Variants in PSD3 observed in about 807,000 individuals in gnomAD.
The protein encoded by PSD3 is pleckstrin and Sec7 domain containing 3, also known as PH and SEC7 domain-containing protein 3.
Under a neutral mutation model 105.5 loss-of-function variants are expected in PSD3, and 49 were observed. The observed-to-expected ratio is 0.46, with a 90% CI of 0.37 to 0.59. The LOEUF is 0.59. Among genes scored for constraint, PSD3 ranks in the 20% least tolerant of loss-of-function variants. PSD3 has a pLI of 0.00. For missense variants in PSD3, 1,561 were observed against 1,263.8 expected, an observed-to-expected ratio of 1.24 and a Z score of -3.57; for synonymous variants, 557 against 457.8, an observed-to-expected ratio of 1.22 and a Z score of -2.77.
At chr8:18,758,931 G>A (rs181034422) in intron 9 of PSD3, among the ~76,000 whole-genome samples, 100 of 152,182 alleles carry the variant, frequency 6.6e-4, no homozygotes, top group Non-Finnish European at 1.2e-3. Context: ...AAATGTATTT[G>A]AATGACAACT....
intron 1 of PSD3, among the ~76,000 whole-genome samples, chr8:18,959,122 C>T (rs931392819): frequency 2.0e-5 from 3 of 152,108 alleles, no homozygotes; most frequent in East Asian, 3.9e-4. Context: ...CATTTCACCA[C>T]GTTGGCCAGG....
intron 11 of PSD3, among the ~76,000 whole-genome samples, chr8:18,625,219 C>G (rs1462786754): frequency 6.8e-6 from 1 of 147,770 alleles, no homozygotes; most frequent in Admixed American, 6.8e-5. Context: ...CACACACACA[C>G]TTCTCAACAT....
intron 11 of PSD3, among the ~76,000 whole-genome samples, chr8:18,609,223 T>C (rs965100891): frequency 6.6e-6 from 1 of 152,204 alleles, no homozygotes; most frequent in Non-Finnish European, 1.5e-5. Context: ...TACACATTAA[T>C]GAGAAGTAAT....
At chr8:18,993,650 A>G (rs192406625) in intron 1 of PSD3, among the ~76,000 whole-genome samples, 4 of 150,824 alleles carry the variant, frequency 2.7e-5, no homozygotes, top group Non-Finnish European at 5.9e-5. Context: ...TTAGCTCTCA[A>G]TAACACTGAA....
chr8:18,662,443 T>C (rs1288923627), intron 9 of PSD3, among the ~76,000 whole-genome samples: 1 of 152,208 alleles, frequency 6.6e-6, no homozygotes, highest in East Asian at 1.9e-4. Context: ...TGTGAGACAC[T>C]TTCACACACA....
rs551503163 is a variant in PSD3, at chr8:18,658,410, C to A, written c.2173-2725G>T. On this transcript the variant is annotated intron_variant, in intron 9 of 15. Transcript: ENST00000327040. Reference sequence around the variant, plus strand: ...ATCTCTAACCTGGCAGTCATTACTTCCTTTCCCGTGTAGCCTAGACGTCAT... The same window carrying A: ...ATCTCTAACCTGGCAGTCATTACTTACTTTCCCGTGTAGCCTAGACGTCAT... Among the ~76,000 whole-genome samples the A allele has an allele frequency of 5.3e-5, 8 of 152,302 alleles. No individual in the cohort carries two copies. The South Asian group carries it at 1.7e-3, about 32-fold the overall frequency.
intron 1 of PSD3, among the ~76,000 whole-genome samples, chr8:19,080,295 G>A (rs1187996912): frequency 1.3e-5 from 2 of 152,174 alleles, no homozygotes; most frequent in Admixed American, 6.5e-5. Context: ...AGATTTCCTG[G>A]AGACAATGAG....
intron 15 of PSD3, among the ~76,000 whole-genome samples, chr8:18,552,972 C>A (rs1800863702): frequency 6.6e-6 from 1 of 151,932 alleles, no homozygotes; most frequent in African/African-American, 2.4e-5. Context: ...CCTGTATTTA[C>A]CAGAATTTCT....
chr8:18,970,324 C>CAAAAAAAAAAAAAAAAAAA (rs11450922), intron 1 of PSD3, among the ~76,000 whole-genome samples: 9 of 45,308 alleles, frequency 2.0e-4, no homozygotes, highest in Admixed American at 4.4e-4. Flanking sequence ...GACTCTGCCT[C>CAAAAAAAAAAAAAAAAAAA]AAAAAAAAAA....
At chr8:18,669,032 T>C (rs1799632698) in intron 9 of PSD3, among the ~76,000 whole-genome samples, 1 of 152,234 alleles carries the variant, frequency 6.6e-6, no homozygotes, top group South Asian at 2.1e-4. Flanking sequence ...ATTGATGGTT[T>C]ATAGTTCAAA....
intron 4 of PSD3, among the ~76,000 whole-genome samples, chr8:18,853,914 T>C (rs867492244): frequency 6.6e-6 from 1 of 152,182 alleles, no homozygotes. Context: ...ATACTCTTCA[T>C]TTGTCATCCT....
intron 9 of PSD3, among the ~76,000 whole-genome samples, chr8:18,694,822 GA>G (rs5889817): frequency 2.6e-5 from 4 of 150,970 alleles, no homozygotes; most frequent in East Asian, 3.9e-4. Context: ...TATCTCCACT[GA>G]AAAAAAAAAT....
chr8:18,566,914 G>C (rs575293907), intron 14 of PSD3, among the ~76,000 whole-genome samples: 7 of 152,280 alleles, frequency 4.6e-5, no homozygotes, highest in African/African-American at 1.4e-4. Context: ...CATGATAAAT[G>C]TGTGTGCTTG....
chr8:18,893,211 A>G (rs558818000), intron 2 of PSD3, among the ~76,000 whole-genome samples: 2 of 152,236 alleles, frequency 1.3e-5, no homozygotes, highest in Admixed American at 1.3e-4. Context: ...AATCAGAATC[A>G]CAGGGTGCGG....
At chr8:18,967,114 C>A (rs1343311119) in intron 1 of PSD3, among the ~76,000 whole-genome samples, 1 of 152,002 alleles carries the variant, frequency 6.6e-6, no homozygotes, top group African/African-American at 2.4e-5. Flanking sequence ...GGCTGTAAGA[C>A]CTATCAGCAT....
chr8:18,765,531 C>A lies in PSD3; in HGVS notation c.2090G>T (p.Gly697Val). Residue 697 changes from glycine (G) to valine (V), a missense_variant, in exon 9 of 16, where the codon GGA (glycine) becomes GTA (valine). Transcript: ENST00000327040. Reference protein sequence around the residue: ...LNTDLHGHNIGKKMTCQEFIA... With the variant: ...LNTDLHGHNIVKKMTCQEFIA... Reference sequence around the variant, plus strand: ...GAACTCCTGACAGGTCATCTTCTTTCCAATATTCTGAAACAGAGGCAAACA... The same window carrying A: ...GAACTCCTGACAGGTCATCTTCTTTACAATATTCTGAAACAGAGGCAAACA... 6.2e-7 allele frequency: 1 copy of A among 1,606,690 alleles called. No individual in the cohort carries two copies. The highest frequency in any genetic ancestry group is 8.5e-7 in the Non-Finnish European group (1 of 1,173,304).
intron 9 of PSD3, among the ~76,000 whole-genome samples, chr8:18,696,362 T>TA (rs1360388511): frequency 7.9e-5 from 12 of 152,158 alleles, no homozygotes; most frequent in Non-Finnish European, 1.5e-5. Flanking sequence ...TCAGTCCCAT[T>TA]TTATACATGG....
At chr8:18,977,029 G>T (rs1326233555) in intron 1 of PSD3, among the ~76,000 whole-genome samples, 2 of 152,084 alleles carry the variant, frequency 1.3e-5, no homozygotes, top group Non-Finnish European at 2.9e-5. Flanking sequence ...TTAAGAAATG[G>T]TGGGTGGATC....
intron 8 of PSD3, among the ~76,000 whole-genome samples, chr8:18,792,024 C>T (rs1359578734): frequency 1.3e-5 from 2 of 152,138 alleles, no homozygotes; most frequent in African/African-American, 2.4e-5. Context: ...TACCATCTCA[C>T]ACCAGTCAGA....
Sources: gnomAD v4.1 joint callset for allele counts (sites outside exome capture counted in the v4.1 genomes callset) on GRCh38, gnomAD v4.1.1 for gene constraint, MANE v1.5 for transcripts, NCBI Gene and HGNC (gene_info 2026-07-23, HGNC 2026-07-21) for gene names.